Variants in DOCK8 observed in about 807,000 individuals in gnomAD.
DOCK8 encodes the protein dedicator of cytokinesis 8, also known as dedicator of cytokinesis protein 8.
Under a neutral mutation model 245.6 loss-of-function variants are expected in DOCK8, and 141 were observed. The ratio of observed to expected loss-of-function variants is 0.57; its 90% CI spans 0.50 to 0.66. The LOEUF (loss-of-function observed/expected upper bound fraction) is 0.66, where lower values mean the gene tolerates loss of function less well. DOCK8 is among the 30% of genes least tolerant of loss of function. DOCK8 has a pLI of 0.00. For synonymous variants in DOCK8, 1,168 were observed against 970.2 expected (o/e 1.20, Z -3.79); for missense variants, 2,965 against 2,603.4 (o/e 1.14, Z -3.02).
chr9:255,550 C>G (rs2047747817), intron 1 of DOCK8, among the ~76,000 whole-genome samples: 1 of 151,558 alleles, frequency 6.6e-6, no homozygotes, highest in South Asian at 2.1e-4. Context: ...TGCCTGTTGT[C>G]CCAGCTACTC....
intron 46 of DOCK8, among the ~76,000 whole-genome samples, chr9:455,181 G>A (rs542576736): frequency 6.6e-6 from 1 of 152,228 alleles, no homozygotes; most frequent in South Asian, 2.1e-4. Flanking sequence ...GTTCTTACAC[G>A]TCACCTGAGG....
At chr9:220,446 C>A (rs1233925439) in intron 1 of DOCK8, among the ~76,000 whole-genome samples, 1 of 152,116 alleles carries the variant, frequency 6.6e-6, no homozygotes. Context: ...ATGAAGAACT[C>A]AGGGGACCAA....
At chr9:323,690 A>G (rs1315790530) in intron 7 of DOCK8, among the ~76,000 whole-genome samples, 1 of 152,174 alleles carries the variant, frequency 6.6e-6, no homozygotes, top group East Asian at 1.9e-4. Context: ...AGCCCCTGGC[A>G]ACTCCCATTC....
At chr9:287,302 G>A (rs568712295) in intron 3 of DOCK8, among the ~76,000 whole-genome samples, 1 of 152,104 alleles carries the variant, frequency 6.6e-6, no homozygotes, top group Non-Finnish European at 1.5e-5. Flanking sequence ...TTAGTTTTTG[G>A]CATCAAACTA....
At chr9:275,207 GCT>G (rs199571159) in intron 2 of DOCK8, among the ~76,000 whole-genome samples, 5,171 of 150,716 alleles carry the variant, frequency 0.034, 310 homozygotes, top group African/African-American at 0.12. Context: ...GGCTAGTATT[GCT>G]CTCTTACGAT....
At chr9:307,917 A>G (rs1310858441) in intron 5 of DOCK8, among the ~76,000 whole-genome samples, 1 of 152,214 alleles carries the variant, frequency 6.6e-6, no homozygotes. Context: ...TTGCATCAAC[A>G]TGGATGAGTC....
intron 1 of DOCK8, among the ~76,000 whole-genome samples, chr9:216,781 G>C (rs1181393441): frequency 2.6e-5 from 4 of 152,084 alleles, no homozygotes; most frequent in African/African-American, 4.8e-5. Flanking sequence ...AGAAACTATG[G>C]GGTTGGGCAG....
intron 4 of DOCK8, among the ~76,000 whole-genome samples, chr9:297,200 A>G (rs986097594): frequency 8.5e-5 from 13 of 152,158 alleles, no homozygotes; most frequent in African/African-American, 2.7e-4. Flanking sequence ...AATCCTCACA[A>G]TAGGTCCTCA....
Position 399,266 on chromosome 9 carries a change from G to GC in DOCK8, c.3234+7_3234+8insC, listed in dbSNP as rs759235664. The GC allele has an allele frequency of 9.4e-6, 15 of 1,593,904 alleles. No individual in the cohort carries two copies. In the Admixed American group the frequency reaches 1.2e-4, roughly 13 times the overall value. On this transcript the variant is annotated splice_region_variant and intron_variant, in intron 26 of 47. Transcript: ENST00000432829. The stretch of plus-strand genomic sequence containing the variant: ...CAGACATTATTGCAGCCAGGTGAGT[G>GC]TCCCCCCCACCCCCACCCCCGAGCG...
chr9:288,831 C>G (rs2048929297), intron 3 of DOCK8, among the ~76,000 whole-genome samples: 1 of 152,218 alleles, frequency 6.6e-6, no homozygotes, highest in South Asian at 2.1e-4. Flanking sequence ...TGTCTCTGTT[C>G]TTACCTCCTT....
At chr9:403,904 A>ATG (rs1564021114) in intron 26 of DOCK8, among the ~76,000 whole-genome samples, 4 of 89,064 alleles carry the variant, frequency 4.5e-5, no homozygotes, top group Non-Finnish European at 7.6e-5. Flanking sequence ...ATATATATAT[A>ATG]TATATATATA....
chr9:416,346 C>G (rs1005926087), intron 29 of DOCK8, among the ~76,000 whole-genome samples: 1 of 152,210 alleles, frequency 6.6e-6, no homozygotes, highest in East Asian at 1.9e-4. Context: ...TAAAAAGTTC[C>G]ATTTCAAGAG....
At chr9:384,992 G>C (rs1001050932) in intron 22 of DOCK8, among the ~76,000 whole-genome samples, 2 of 152,144 alleles carry the variant, frequency 1.3e-5, no homozygotes, top group African/African-American at 2.4e-5. Flanking sequence ...TCTGTAGTTT[G>C]AGCCATCAGG....
chr9:462,037 G>A (rs1293978028), intron 46 of DOCK8, among the ~76,000 whole-genome samples: 4 of 144,654 alleles, frequency 2.8e-5, no homozygotes, highest in African/African-American at 1.0e-4. Context: ...TATTAACTTT[G>A]GTTTTTTACA....
chr9:389,592 CCAGCAGCAG>C (rs113659484), intron 23 of DOCK8, among the ~76,000 whole-genome samples: 10 of 151,248 alleles, frequency 6.6e-5, no homozygotes, highest in African/African-American at 1.2e-4. Flanking sequence ...TAACCCTGGA[CCAGCAGCAG>C]CAGCAGCAGC....
At chr9:407,749 C>G (rs1564026491) in intron 28 of DOCK8, among the ~76,000 whole-genome samples, 1 of 152,174 alleles carries the variant, frequency 6.6e-6, no homozygotes, top group Non-Finnish European at 1.5e-5. Flanking sequence ...AAATATTATT[C>G]ATTCCGTTCA....
intron 4 of DOCK8, among the ~76,000 whole-genome samples, chr9:300,273 CT>C: frequency 6.6e-6 from 1 of 152,288 alleles, no homozygotes; most frequent in African/African-American, 2.4e-5. Flanking sequence ...GAGTTATAAA[CT>C]TTGTATTTGT....
rs990034040 is a variant in DOCK8, at chr9:306,057, G to A, written c.528+1353G>A. On this transcript the variant is annotated intron_variant, in intron 5 of 47. Coordinates refer to ENST00000432829, the MANE Select transcript of DOCK8 (RefSeq NM_203447.4). The stretch of plus-strand genomic sequence containing the variant: ...TGAATGTGTTTAACACTACTGAGCT[G>A]TCCAACCTGCCCATTTTATAGATGA... 7.2e-5 allele frequency among the ~76,000 whole-genome samples: 11 copies of A among 152,270 alleles called. No individual in the cohort carries two copies. In the East Asian group the frequency reaches 2.1e-3, roughly 29 times the overall value.
At chr9:396,193 C>G (rs372040793) in intron 24 of DOCK8, among the ~76,000 whole-genome samples, 10 of 152,158 alleles carry the variant, frequency 6.6e-5, no homozygotes, top group Middle Eastern at 3.4e-3. Context: ...TCCAGCTGGC[C>G]AACATTTCCT....
Sources: gnomAD v4.1 joint callset for allele counts (sites outside exome capture counted in the v4.1 genomes callset) on GRCh38, gnomAD v4.1.1 for gene constraint, MANE v1.5 for transcripts, NCBI Gene and HGNC (gene_info 2026-07-23, HGNC 2026-07-21) for gene names.